Variants in SRCIN1 observed in about 807,000 individuals in gnomAD.
SRCIN1 encodes P130Cas-associated protein.
SRCIN1 carries 50 observed loss-of-function variants against 116.2 expected under a neutral mutation model. That is an observed-to-expected ratio of 0.43 (90% CI 0.34 to 0.54). The LOEUF is 0.54. Ranked by LOEUF, SRCIN1 falls within the 20% of genes least tolerant of loss-of-function variation. SRCIN1 has a pLI of 0.02. For missense variants in SRCIN1, 1,446 were observed against 1,672.0 expected, an observed-to-expected ratio of 0.86 and a Z score of 2.36; for synonymous variants, 736 against 750.0, an observed-to-expected ratio of 0.98 and a Z score of 0.30.
At position 38,605,710 on chromosome 17, in the gene SRCIN1, C is replaced by CG; in HGVS notation, c.-6dup. 1 of 949,308 alleles carries CG rather than the reference C, an allele frequency of 1.1e-6. No individual in the cohort carries two copies. The highest frequency in any genetic ancestry group is 1.3e-6 in the Non-Finnish European group (1 of 763,910). The allele number at this position is 949,308 out of a possible 1,614,324, so 58.8% of individuals were successfully genotyped here. A position where few individuals can be genotyped will look rare whatever the true frequency, so the allele number is the denominator to read the frequency against. ...TTGGGACGGAGCGTTCCCCATCGGG[C>CG]GGGGGCGCGGGGGGCGGGGGCCCCG... is the stretch of plus-strand genomic sequence containing the variant. On this transcript the variant is annotated 5_prime_UTR_variant, in exon 1 of 19. Coordinates refer to ENST00000617146, the MANE Select transcript of SRCIN1 (RefSeq NM_025248.3).
chr17:38,589,167 C>T (rs754714237), intron 1 of SRCIN1, among the ~76,000 whole-genome samples: 5 of 152,212 alleles, frequency 3.3e-5, no homozygotes, highest in South Asian at 2.1e-4. Context: ...CCACCTGCCT[C>T]GGCCTCCCAA....
chr17:38,581,793 AG>A (rs1907838866), intron 1 of SRCIN1, among the ~76,000 whole-genome samples: 1 of 152,142 alleles, frequency 6.6e-6, no homozygotes, highest in African/African-American at 2.4e-5. Flanking sequence ...TGGCTAAAGG[AG>A]AGTGGCCTGA....
chr17:38,598,012 G>T (rs781723112), intron 1 of SRCIN1, among the ~76,000 whole-genome samples: 71 of 152,212 alleles, frequency 4.7e-4, no homozygotes, highest in Admixed American at 1.4e-3. Flanking sequence ...TTCCAGGAGA[G>T]AGGAAGCTCC....
intron 18 of SRCIN1, among the ~76,000 whole-genome samples, chr17:38,537,790 C>CA (rs563375987): frequency 0.24 from 26,986 of 110,822 alleles, 3,032 homozygotes; most frequent in African/African-American, 0.37. Flanking sequence ...GACTCCGTGT[C>CA]AAAAAAAAAA....
chr17:38,565,839 G>T (rs1228042400), intron 3 of SRCIN1, among the ~76,000 whole-genome samples: 2 of 152,182 alleles, frequency 1.3e-5, no homozygotes, highest in Admixed American at 6.5e-5. Context: ...CCACTGGGTG[G>T]GTGTGGGTCT....
chr17:38,550,892 ACT>A (rs1265776041), intron 15 of SRCIN1, among the ~76,000 whole-genome samples: 1 of 151,868 alleles, frequency 6.6e-6, no homozygotes, highest in African/African-American at 2.4e-5. Context: ...GAGGCGGATG[ACT>A]CTGCCTGGAC....
intron 11 of SRCIN1, among the ~76,000 whole-genome samples, chr17:38,556,920 C>A (rs1477627987): frequency 6.6e-6 from 1 of 152,074 alleles, no homozygotes; most frequent in Non-Finnish European, 1.5e-5. Context: ...GGTAAAGTTG[C>A]TTTTGAAAAT....
At chr17:38,565,567 T>C (rs1050350063) in intron 3 of SRCIN1, among the ~76,000 whole-genome samples, 2 of 152,196 alleles carry the variant, frequency 1.3e-5, no homozygotes, top group African/African-American at 4.8e-5. Context: ...AAGACAACAA[T>C]AAAATATCTC....
chr17:38,598,118 TGA>T (rs1246777316), intron 1 of SRCIN1, among the ~76,000 whole-genome samples: 2 of 152,036 alleles, frequency 1.3e-5, no homozygotes, highest in African/African-American at 4.8e-5. Flanking sequence ...GTGGACAAAG[TGA>T]GAGTCTGCGG....
At chr17:38,578,459 C>CAGCCAG in intron 2 of SRCIN1, 31 bp downstream of exon 2, 1 of 1,540,316 alleles carries the variant, frequency 6.5e-7, no homozygotes, top group South Asian at 1.2e-5. Flanking sequence ...GCCGCGGCCG[C>CAGCCAG]AGCCGCAGCC....
Position 38,533,211 on chromosome 17 carries a change from TG to T in SRCIN1, c.*85del. On this transcript the variant is annotated 3_prime_UTR_variant, in exon 19 of 19. Coordinates refer to ENST00000617146, the MANE Select transcript of SRCIN1 (RefSeq NM_025248.3). ...CCCTCAGGGCGTCTGGAGAGTAGGGTGGGGTGGGGTGGAGATGAAGGAAGAG... is the reference window on the plus strand; with the variant it reads ...CCCTCAGGGCGTCTGGAGAGTAGGGTGGGTGGGGTGGAGATGAAGGAAGAG... 8.1e-7 allele frequency: 1 copy of T among 1,237,472 alleles called. No homozygotes were observed. Among genetic ancestry groups the T allele is most frequent in the Non-Finnish European group, 1.0e-6 (1 of 983,726 alleles). The allele number at this position is 1,237,472 out of a possible 1,614,324, so 76.7% of individuals were successfully genotyped here. A position where few individuals can be genotyped will look rare whatever the true frequency, so the allele number is the denominator to read the frequency against.
chr17:38,553,011 T>C lies in SRCIN1; in HGVS notation c.2202-156A>G, dbSNP rs374061942. On this transcript the variant is annotated intron_variant, in intron 11 of 18. Coordinates refer to ENST00000617146, the MANE Select transcript of SRCIN1 (RefSeq NM_025248.3). ...GGCTCACGCCCGTAATCTCAGTACT[T>C]TGGGAGGCTGAGGCAGGCGGATCAC... Among the ~76,000 whole-genome samples the C allele has an allele frequency of 4.2e-3, 647 of 152,278 alleles. 8 individuals carry two copies. Among genetic ancestry groups the C allele is most frequent in the African/African-American group, 0.015 (634 of 41,564 alleles).
rs1259348335 is a variant in SRCIN1, at chr17:38,558,508, C to T, written c.2026-106G>A. 3.7e-6 allele frequency: 5 copies of T among 1,353,654 alleles called. No individual in the cohort carries two copies. The highest frequency in any genetic ancestry group is 1.4e-5 in the South Asian group (1 of 72,982). The allele number at this position is 1,353,654 out of a possible 1,614,324, so 83.9% of individuals were successfully genotyped here. ...GAGGACTGCCCAATCCAGGGCGGGG[C>T]TCTGCAGAAGAAGCGGCTGCTTGGC... On this transcript the variant is annotated intron_variant, in intron 10 of 18. Coordinates refer to ENST00000617146, the MANE Select transcript of SRCIN1 (RefSeq NM_025248.3). The surrounding 1 kb of genome is among the most constrained non-coding windows in gnomAD (Gnocchi z 4.6).
intron 3 of SRCIN1, 42 bp from the exon 4 acceptor site, chr17:38,564,355 C>T: frequency 7.1e-7 from 1 of 1,401,004 alleles, no homozygotes. Flanking sequence ...AGGATGAGCA[C>T]CCCCCCTCCC....
chr17:38,566,290 G>A (rs989523554), intron 3 of SRCIN1, among the ~76,000 whole-genome samples: 5 of 152,108 alleles, frequency 3.3e-5, no homozygotes, highest in African/African-American at 7.2e-5. Flanking sequence ...AGATGCCCAC[G>A]TTCCCTGCTC....
Position 38,568,769 on chromosome 17 carries a change from G to A in SRCIN1, c.325-538C>T, listed in dbSNP as rs1402383247. 6.6e-6 allele frequency among the ~76,000 whole-genome samples: 1 copy of A among 152,124 alleles called. No homozygotes were observed. Among genetic ancestry groups the A allele is most frequent in the Non-Finnish European group, 1.5e-5 (1 of 68,030 alleles). ...GTAGCAGATTAGGCTGCAAAGGGTG[G>A]GAAGTGGGAGGCTGAGGCCAGATGA... On this transcript the variant is annotated intron_variant, in intron 2 of 18. Coordinates refer to ENST00000617146, the MANE Select transcript of SRCIN1 (RefSeq NM_025248.3). This position sits in a 1 kb window ranked among gnomAD's most constrained non-coding sequence, Gnocchi z 4.5.
chr17:38,539,078 A>C (rs1341209822), intron 18 of SRCIN1, among the ~76,000 whole-genome samples: 4 of 152,168 alleles, frequency 2.6e-5, no homozygotes, highest in Non-Finnish European at 5.9e-5. Context: ...ATTGGGCCTG[A>C]TTGGTGGCAA....
chr17:38,557,670 GCA>G, intron 11 of SRCIN1, among the ~76,000 whole-genome samples: 1 of 152,244 alleles, frequency 6.6e-6, no homozygotes, highest in South Asian at 2.1e-4. Flanking sequence ...GCATGCGGAG[GCA>G]CAGTGTTCGC....
rs1482386850 is a variant in SRCIN1, at chr17:38,585,857, G to A, written c.23-7066C>T. On this transcript the variant is annotated intron_variant, in intron 1 of 18. Transcript: ENST00000617146. This position sits in a 1 kb window ranked among gnomAD's most constrained non-coding sequence, Gnocchi z 4.2. ...TGTGATGGGGGAAGGGCGATGGGGGGAAGGAGGCAGCTGGACTGAGGATTG... is the reference window on the plus strand; with the variant it reads ...TGTGATGGGGGAAGGGCGATGGGGGAAAGGAGGCAGCTGGACTGAGGATTG... Among the ~76,000 whole-genome samples, 2 of 152,176 alleles carry A rather than the reference G, an allele frequency of 1.3e-5. No homozygotes were observed. Among genetic ancestry groups the A allele is most frequent in the East Asian group, 3.9e-4 (2 of 5,188 alleles).
Sources: gnomAD v4.1 joint callset for allele counts (sites outside exome capture counted in the v4.1 genomes callset) on GRCh38, gnomAD v4.1.1 for gene constraint, Gnocchi (gnomAD v3.1) non-coding constraint, MANE v1.5 for transcripts, NCBI Gene and HGNC (gene_info 2026-07-23, HGNC 2026-07-21) for gene names.